The following CSMD2 variants were observed in gnomAD, a reference collection of about 807,000 sequenced individuals.
CSMD2 encodes the protein CUB and sushi domain-containing protein 2.
In CSMD2, 130 loss-of-function variants were observed where a neutral mutation model predicts 398.5. That is an observed-to-expected ratio of 0.33 (90% CI 0.28 to 0.38). The LOEUF (loss-of-function observed/expected upper bound fraction) is 0.38. CSMD2 is among the 10% of genes least tolerant of loss of function. CSMD2 has a pLI of 1.00. For missense variants in CSMD2, 3,829 were observed against 4,764.9 expected (o/e 0.80, Z 5.78); for synonymous variants, 1,828 against 1,908.5 (o/e 0.96, Z 1.10).
At chr1:33,666,114 C>A (rs775246046) in intron 25 of CSMD2, among the ~76,000 whole-genome samples, 23 of 152,280 alleles carry the variant, frequency 1.5e-4, no homozygotes, top group Middle Eastern at 3.4e-3. Flanking sequence ...TTTCCCTATA[C>A]TAGAATCTAC....
At chr1:34,011,487 TTTCCCCACCCTAG>T (rs1647317322) in intron 3 of CSMD2, among the ~76,000 whole-genome samples, 1 of 152,194 alleles carries the variant, frequency 6.6e-6, no homozygotes, top group East Asian at 1.9e-4. Context: ...GAGTCCATTC[TTTCCCCACCCTAG>T]TTCCCGGGGC....
intron 49 of CSMD2, among the ~76,000 whole-genome samples, chr1:33,572,988 T>A (rs1659732205): frequency 6.6e-6 from 1 of 152,194 alleles, no homozygotes; most frequent in Non-Finnish European, 1.5e-5. Flanking sequence ...ACAAACACAG[T>A]GTAGACACAT....
chr1:33,875,511 T>G (rs1640778390), intron 5 of CSMD2: 1 of 152,268 alleles, frequency 6.6e-6, no homozygotes, highest in African/African-American at 2.4e-5. Context: ...CTCCCTGTAG[T>G]TGAACAAAGT....
chr1:33,816,531 T>C (rs946403167), intron 9 of CSMD2, among the ~76,000 whole-genome samples: 2 of 152,210 alleles, frequency 1.3e-5, no homozygotes, highest in African/African-American at 2.4e-5. Flanking sequence ...ATTAGGGTTC[T>C]GCAAAAACTT....
At chr1:33,921,761 C>T (rs1157328838) in intron 4 of CSMD2, among the ~76,000 whole-genome samples, 6 of 152,112 alleles carry the variant, frequency 3.9e-5, no homozygotes, top group Non-Finnish European at 7.4e-5. Context: ...GCAGGGGAGT[C>T]ATGGTAGGTG....
chr1:33,756,345 A>C (rs1649013734), intron 13 of CSMD2, among the ~76,000 whole-genome samples: 1 of 152,100 alleles, frequency 6.6e-6, no homozygotes, highest in Non-Finnish European at 1.5e-5. Flanking sequence ...GTCTGTCCCT[A>C]TTCTAGGTAT....
intron 66 of CSMD2, among the ~76,000 whole-genome samples, chr1:33,524,472 T>G (rs1570614586): frequency 6.6e-6 from 1 of 152,250 alleles, no homozygotes; most frequent in Non-Finnish European, 1.5e-5. Flanking sequence ...CTAAGTGTTA[T>G]TGTTTAAAAA....
intron 3 of CSMD2, among the ~76,000 whole-genome samples, chr1:34,021,063 G>C (rs2148112129): frequency 6.6e-6 from 1 of 152,156 alleles, no homozygotes; most frequent in East Asian, 1.9e-4. Context: ...AATATCAGTG[G>C]GTTCAACTCT....
Position 33,537,392 on chromosome 1 carries a change from C to A in CSMD2, c.9805+44G>T. On this transcript the variant is annotated intron_variant, in intron 61 of 70. Coordinates refer to ENST00000373381, the MANE Select transcript of CSMD2 (RefSeq NM_001281956.2). This position sits in a 1 kb window ranked among gnomAD's most constrained non-coding sequence, Gnocchi z 4.6. ...ATCTCAGGCCCAAAAGAAGGTCTCC[C>A]GCAACCCCAGCCAAGACGCTCCCTG... The A allele has an allele frequency of 1.3e-6, 2 of 1,569,608 alleles. No homozygotes were observed. Among genetic ancestry groups the A allele is most frequent in the Non-Finnish European group, 8.6e-7 (1 of 1,157,006 alleles).
At chr1:33,754,124 G>A (rs1366206122) in intron 13 of CSMD2, among the ~76,000 whole-genome samples, 1 of 152,130 alleles carries the variant, frequency 6.6e-6, no homozygotes, top group Non-Finnish European at 1.5e-5. Flanking sequence ...GGGGAGCCAG[G>A]GACAGAATGA....
chr1:33,557,675 G>A (rs1239598925), intron 55 of CSMD2, 59 bp downstream of exon 55: 5 of 1,409,822 alleles, frequency 3.5e-6, no homozygotes, highest in Non-Finnish European at 4.8e-6. Flanking sequence ...CAGAGGGGAG[G>A]ACTGTTCTTT....
intron 59 of CSMD2, 123 bp downstream of exon 59, chr1:33,541,007 T>A (rs1444033345): frequency 4.0e-6 from 4 of 1,001,286 alleles, no homozygotes; most frequent in East Asian, 4.8e-5. Context: ...ACCTTGCACA[T>A]CCCCTGATAA....
At chr1:33,591,037 G>A (rs1241762760) in intron 44 of CSMD2, among the ~76,000 whole-genome samples, 1 of 123,844 alleles carries the variant, frequency 8.1e-6, no homozygotes, top group Non-Finnish European at 1.6e-5. Flanking sequence ...TGCCCAGGCT[G>A]GATCACAATG....
intron 55 of CSMD2, among the ~76,000 whole-genome samples, chr1:33,556,177 C>T (rs1189731349): frequency 2.0e-5 from 3 of 152,176 alleles, no homozygotes; most frequent in Non-Finnish European, 4.4e-5. Flanking sequence ...ATGATAAAAG[C>T]TGCATTTTAC....
At chr1:33,617,676 C>A in intron 37 of CSMD2, 59 bp from the exon 38 acceptor site, 1 of 1,353,830 alleles carries the variant, frequency 7.4e-7, no homozygotes, top group Non-Finnish European at 1.1e-6. Flanking sequence ...GTCAACGTGG[C>A]GGTAGGCTGG....
Position 33,521,461 on chromosome 1 carries a change from A to T in CSMD2, c.10597+2T>A. The T allele has an allele frequency of 6.8e-7, 1 of 1,471,916 alleles. No individual in the cohort carries two copies. The highest frequency in any genetic ancestry group is 9.4e-7 in the Non-Finnish European group (1 of 1,059,038). 91.2% of individuals were successfully genotyped at this position (1,471,916 alleles called of 1,614,324 possible). A position where few individuals can be genotyped will look rare whatever the true frequency, so the allele number is the denominator to read the frequency against. On this transcript the variant is annotated splice_donor_variant, in intron 68 of 70. Transcript: ENST00000373381. LOFTEE classifies it high-confidence loss of function. ...CACTTCCGGGGGACAAGCACTAGTT[A>T]CCCAGTCTTTGAAAGCCGAACTGCC... is the stretch of plus-strand genomic sequence containing the variant.
rs767182304 is a variant in CSMD2 at position 34,087,335 on chromosome 1, G to A, written c.404+1642C>T. Among the ~76,000 whole-genome samples, 45 of 152,134 alleles carry A rather than the reference G, an allele frequency of 3.0e-4. 1 individual carries two copies. The highest frequency in any genetic ancestry group is 5.4e-4 in the Non-Finnish European group (37 of 67,998). ...TGTCCTTTGCAGGGACATGGATGAAGCTGGAAACCATCATCCTCAGCAAAC... is the reference window on the plus strand; with the variant it reads ...TGTCCTTTGCAGGGACATGGATGAAACTGGAAACCATCATCCTCAGCAAAC... On this transcript the variant is annotated intron_variant, in intron 2 of 70. Transcript: ENST00000373381.
chr1:33,667,975 C>T (rs911159005), intron 25 of CSMD2, among the ~76,000 whole-genome samples: 1 of 152,162 alleles, frequency 6.6e-6, no homozygotes, highest in Non-Finnish European at 1.5e-5. Context: ...AAATTATCAG[C>T]TGTGTCTAGC....
At chr1:33,729,640 C>T (rs1372033246) in intron 15 of CSMD2, among the ~76,000 whole-genome samples, 1 of 151,214 alleles carries the variant, frequency 6.6e-6, no homozygotes, top group African/African-American at 2.4e-5. Context: ...CTCCCCCCAC[C>T]CCACAACAGT....
Sources: gnomAD v4.1 joint callset for allele counts (sites outside exome capture counted in the v4.1 genomes callset) on GRCh38, gnomAD v4.1.1 for gene constraint, Gnocchi (gnomAD v3.1) non-coding constraint, MANE v1.5 for transcripts, NCBI Gene and HGNC (gene_info 2026-07-23, HGNC 2026-07-21) for gene names.